Variants in GRID1 observed in about 807,000 individuals in gnomAD.
GRID1 encodes glutamate receptor ionotropic, delta-1.
Under a neutral mutation model 98.0 loss-of-function variants are expected in GRID1, and 28 were observed. The observed-to-expected ratio is 0.29, with a 90% CI of 0.21 to 0.39. The LOEUF (loss-of-function observed/expected upper bound fraction) is 0.39, where lower values mean the gene tolerates loss of function less well. GRID1 is among the 10% of genes least tolerant of loss of function. The probability of loss-of-function intolerance (pLI) is 1.00; values close to 1 mark genes in which losing one functional copy is unlikely to be tolerated. For missense variants in GRID1, 1,111 were observed against 1,340.5 expected (o/e 0.83, Z 2.67); for synonymous variants, 553 against 538.5 (o/e 1.03, Z -0.37).
At chr10:86,308,856 A>G (rs1564735077) in intron 2 of GRID1, among the ~76,000 whole-genome samples, 1 of 152,110 alleles carries the variant, frequency 6.6e-6, no homozygotes, top group Non-Finnish European at 1.5e-5. Context: ...CTCACTCTCA[A>G]TAATGAACCC....
intron 2 of GRID1, among the ~76,000 whole-genome samples, chr10:86,287,937 G>A (rs1210308458): frequency 6.6e-6 from 1 of 151,542 alleles, no homozygotes; most frequent in East Asian, 1.9e-4. Flanking sequence ...AGCCAATAAG[G>A]GTCTCTTCCT....
chr10:86,123,159 C>T (rs11595656), intron 4 of GRID1, among the ~76,000 whole-genome samples: 19,904 of 152,114 alleles, frequency 0.13, 1,675 homozygotes, highest in Non-Finnish European at 0.19. Flanking sequence ...CTGGAATGAA[C>T]GGTGGGGAGG....
chr10:85,868,256 G>A (rs1843241613), intron 6 of GRID1, among the ~76,000 whole-genome samples: 1 of 152,170 alleles, frequency 6.6e-6, no homozygotes, highest in South Asian at 2.1e-4. Flanking sequence ...AGTTTTCTGA[G>A]GCACCACATT....
At chr10:86,207,541 C>T (rs1402140713) in intron 2 of GRID1, among the ~76,000 whole-genome samples, 4 of 151,972 alleles carry the variant, frequency 2.6e-5, no homozygotes, top group Non-Finnish European at 5.9e-5. Flanking sequence ...CCTCCCAACG[C>T]TGCAACCCAC....
intron 8 of GRID1, among the ~76,000 whole-genome samples, chr10:85,744,498 T>C (rs1029598666): frequency 1.4e-5 from 2 of 147,852 alleles, no homozygotes; most frequent in African/African-American, 5.1e-5. Context: ...TAAATGGTGC[T>C]GGGAAAACTG....
chr10:86,212,816 T>C (rs1289053690), intron 2 of GRID1, among the ~76,000 whole-genome samples: 2 of 152,254 alleles, frequency 1.3e-5, no homozygotes, highest in African/African-American at 4.8e-5. Context: ...AGTATTGTCA[T>C]AACTCATAGT....
intron 4 of GRID1, among the ~76,000 whole-genome samples, chr10:85,935,527 C>T (rs1012367488): frequency 2.6e-5 from 4 of 152,200 alleles, no homozygotes; most frequent in East Asian, 1.9e-4. Context: ...ATGGGAGCTG[C>T]TTTCGAGTGA....
chr10:86,352,769 C>T (rs1848480580), intron 2 of GRID1, among the ~76,000 whole-genome samples: 3 of 152,148 alleles, frequency 2.0e-5, no homozygotes, highest in Admixed American at 2.0e-4. Flanking sequence ...TTTGCATGGC[C>T]CCCTCAGCTC....
intron 8 of GRID1, among the ~76,000 whole-genome samples, chr10:85,775,158 G>A (rs975842964): frequency 2.0e-5 from 3 of 152,090 alleles, no homozygotes; most frequent in Non-Finnish European, 4.4e-5. Context: ...AAAAAATGAT[G>A]AGTTCATGTC....
intron 4 of GRID1, among the ~76,000 whole-genome samples, chr10:85,989,165 G>A (rs925699904): frequency 3.3e-5 from 5 of 152,220 alleles, no homozygotes; most frequent in Non-Finnish European, 7.3e-5. Context: ...GGCTTGGCCA[G>A]TGAGAGTTCC....
intron 12 of GRID1, among the ~76,000 whole-genome samples, chr10:85,654,532 G>C (rs1216304802): frequency 6.6e-6 from 1 of 152,158 alleles, no homozygotes; most frequent in Non-Finnish European, 1.5e-5. Context: ...ACTGAGCTCT[G>C]TGCTCTCTTC....
Position 85,840,483 on chromosome 10 carries a change from C to A in GRID1, c.1233+14013G>T, listed in dbSNP as rs555057580. Among the ~76,000 whole-genome samples, 10 of 152,170 alleles carry A rather than the reference C, an allele frequency of 6.6e-5. No homozygotes were observed. The South Asian group carries it at 2.1e-3, about 32-fold the overall frequency. ...TTCAACATAGTATTAGAATCCCTGGCCAGGGCAATCAGACAAGAGAAAGAA... is the reference window on the plus strand; with the variant it reads ...TTCAACATAGTATTAGAATCCCTGGACAGGGCAATCAGACAAGAGAAAGAA... On this transcript the variant is annotated intron_variant, in intron 8 of 15. Transcript: ENST00000327946.
chr10:85,890,849 G>T (rs960381052), intron 5 of GRID1, among the ~76,000 whole-genome samples: 2 of 152,122 alleles, frequency 1.3e-5, no homozygotes, highest in African/African-American at 4.8e-5. Flanking sequence ...TACACAAAAA[G>T]TGAACCTCAA....
chr10:86,058,419 C>G (rs1843604120), intron 4 of GRID1, among the ~76,000 whole-genome samples: 1 of 152,220 alleles, frequency 6.6e-6, no homozygotes, highest in South Asian at 2.1e-4. Context: ...TTCTCCAGTA[C>G]AGTGATCTTT....
At chr10:85,952,037 A>T (rs138619326) in intron 4 of GRID1, among the ~76,000 whole-genome samples, 45 of 152,324 alleles carry the variant, frequency 3.0e-4, no homozygotes, top group Non-Finnish European at 5.9e-4. Context: ...GCTTCTAAGG[A>T]ACACTATCCG....
intron 8 of GRID1, among the ~76,000 whole-genome samples, chr10:85,841,920 T>C (rs1380501848): frequency 6.6e-6 from 1 of 152,132 alleles, no homozygotes; most frequent in South Asian, 2.1e-4. Flanking sequence ...AGTGTAGCAA[T>C]TCTTCAAAGA....
At chr10:86,250,459 A>G (rs1361083946) in intron 2 of GRID1, among the ~76,000 whole-genome samples, 1 of 152,260 alleles carries the variant, frequency 6.6e-6, no homozygotes, top group Admixed American at 6.5e-5. Flanking sequence ...AAATGGTCTC[A>G]GTAAGCAGCA....
Position 85,885,329 on chromosome 10 carries a change from G to A in GRID1, c.781-16149C>T, listed in dbSNP as rs76660404. 5.8e-3 allele frequency among the ~76,000 whole-genome samples: 888 copies of A among 152,310 alleles called. 7 individuals carry two copies. The highest frequency in any genetic ancestry group is 0.02 in the African/African-American group (841 of 41,562). On this transcript the variant is annotated intron_variant, in intron 5 of 15. Coordinates refer to ENST00000327946, the MANE Select transcript of GRID1 (RefSeq NM_017551.3). The stretch of plus-strand genomic sequence containing the variant: ...GATAAGATGTGATTTCCCCTGTTCA[G>A]AGGAACATGTATATTCAGCCAGGGT...
At chr10:86,290,733 T>C (rs1203082511) in intron 2 of GRID1, among the ~76,000 whole-genome samples, 1 of 152,048 alleles carries the variant, frequency 6.6e-6, no homozygotes, top group African/African-American at 2.4e-5. Context: ...TGAAAGACCA[T>C]GATATGTTTG....
Sources: allele counts gnomAD v4.1 joint callset (sites outside exome capture counted in the v4.1 genomes callset), GRCh38; gene constraint gnomAD v4.1.1; transcripts MANE v1.5; gene names NCBI Gene and HGNC (gene_info 2026-07-23, HGNC 2026-07-21).